The following SHOC2 variants were observed in gnomAD, a reference collection of about 807,000 sequenced individuals.
The protein encoded by SHOC2 is leucine-rich repeat protein SHOC-2.
In SHOC2, 4 loss-of-function variants were observed where a neutral mutation model predicts 50.2. That is an observed-to-expected ratio of 0.08 (90% CI 0.04 to 0.18). The LOEUF (loss-of-function observed/expected upper bound fraction) is 0.18. Among genes scored for constraint, SHOC2 ranks in the 10% least tolerant of loss-of-function variants. SHOC2 has a pLI of 1.00. For missense variants in SHOC2, 388 were observed against 669.6 expected, an observed-to-expected ratio of 0.58 and a Z score of 4.64; for synonymous variants, 218 against 244.5, an observed-to-expected ratio of 0.89 and a Z score of 1.01.
intron 8 of SHOC2, among the ~76,000 whole-genome samples, chr10:111,010,573 C>G (rs1848548727): frequency 6.6e-6 from 1 of 152,020 alleles, no homozygotes. Flanking sequence ...AGGAGATATA[C>G]CTAATGTAAA....
chr10:110,976,103 G>A (rs1253941032), intron 2 of SHOC2, among the ~76,000 whole-genome samples: 1 of 151,994 alleles, frequency 6.6e-6, no homozygotes, highest in Non-Finnish European at 1.5e-5. Context: ...TAGAGACGGG[G>A]TTTCACCATG....
chr10:110,988,124 C>T (rs1848115610), intron 3 of SHOC2, among the ~76,000 whole-genome samples: 1 of 152,066 alleles, frequency 6.6e-6, no homozygotes, highest in Admixed American at 6.6e-5. Context: ...AAGTTACATT[C>T]TGGTGGTAGT....
chr10:110,925,084 A>T (rs1027356510), intron 1 of SHOC2, among the ~76,000 whole-genome samples: 2 of 147,876 alleles, frequency 1.4e-5, no homozygotes, highest in African/African-American at 2.5e-5. Flanking sequence ...AAAAAAAAAA[A>T]AAAAAAAATT....
chr10:110,958,926 A>G (rs1847521603), intron 1 of SHOC2, among the ~76,000 whole-genome samples: 1 of 152,100 alleles, frequency 6.6e-6, no homozygotes, highest in African/African-American at 2.4e-5. Flanking sequence ...ATCAGACCTA[A>G]TATCCCATTT....
intron 2 of SHOC2, among the ~76,000 whole-genome samples, chr10:110,977,884 T>C (rs1205453452): frequency 6.6e-6 from 1 of 152,218 alleles, no homozygotes; most frequent in Non-Finnish European, 1.5e-5. Flanking sequence ...TTGCTGCTGC[T>C]AGGTCTTTGC....
In SHOC2 at chr10:111,011,902, T is replaced by C; in HGVS notation, c.*84T>C. Reference sequence around the variant, plus strand: ...CTATATCTGTATCTATTTATGTAGATATTGGTATATGGCAGATTTATAAAA... The same window carrying C: ...CTATATCTGTATCTATTTATGTAGACATTGGTATATGGCAGATTTATAAAA... On this transcript the variant is annotated 3_prime_UTR_variant, in exon 9 of 9. Transcript: ENST00000369452. 1 of 1,073,778 alleles carries C rather than the reference T, an allele frequency of 9.3e-7. No individual in the cohort carries two copies. Among genetic ancestry groups the C allele is most frequent in the Non-Finnish European group, 1.4e-6 (1 of 700,916 alleles). 66.5% of individuals were successfully genotyped at this position (1,073,778 alleles called of 1,614,324 possible).
intron 5 of SHOC2, 106 bp from the exon 6 acceptor site, chr10:111,007,425 G>T: frequency 7.9e-7 from 1 of 1,262,918 alleles, no homozygotes; most frequent in Non-Finnish European, 1.1e-6. Context: ...ATCAAAAAGG[G>T]GAATAAGATT....
Position 110,964,529 on chromosome 10 carries a change from C to T in SHOC2, c.171C>T (p.Ser57=), listed in dbSNP as rs1554857645. The change falls in exon 2 of 9, where the codon TCC becomes TCT. Residue 57 remains serine, a synonymous_variant. Transcript: ENST00000369452. This position sits in a 1 kb window ranked among gnomAD's most constrained non-coding sequence, Gnocchi z 4.9. Reference sequence around the variant, plus strand: ...ATGCCAAAGATGGAAAGAAGGACTCCAGTGCTGCCCAACCAGGGGTGGCAT... The same window carrying T: ...ATGCCAAAGATGGAAAGAAGGACTCTAGTGCTGCCCAACCAGGGGTGGCAT... ...GKDAKDGKKD[S]SAAQPGVAFS... 8.7e-6 allele frequency: 14 copies of T among 1,613,928 alleles called. No homozygotes were observed. The highest frequency in any genetic ancestry group is 3.3e-4 in the Middle Eastern group (2 of 6,082).
At position 110,936,212 on chromosome 10, in the gene SHOC2, T is replaced by G. The variant is rs191193912; in HGVS notation, c.-235+16555T>G. On this transcript the variant is annotated intron_variant, in intron 1 of 8. Coordinates refer to ENST00000369452, the MANE Select transcript of SHOC2 (RefSeq NM_007373.4). ...CCTGGGTTCAAGTGATTTTCCAGCCTCAACCTCCTGAGTAGCTGGGATTAC... is the reference window on the plus strand; with the variant it reads ...CCTGGGTTCAAGTGATTTTCCAGCCGCAACCTCCTGAGTAGCTGGGATTAC... Among the ~76,000 whole-genome samples, 10 of 151,474 alleles carry G rather than the reference T, an allele frequency of 6.6e-5. No homozygotes were observed. The East Asian group carries it at 2.0e-3, about 30-fold the overall frequency.
At chr10:110,929,020 A>ATG (rs1846835475) in intron 1 of SHOC2, among the ~76,000 whole-genome samples, 2 of 152,246 alleles carry the variant, frequency 1.3e-5, no homozygotes, top group Admixed American at 1.3e-4. Flanking sequence ...GCAGGTATAT[A>ATG]TGTGTATTAT....
chr10:110,997,800 A>G (rs1253134593), intron 3 of SHOC2, among the ~76,000 whole-genome samples: 4 of 152,150 alleles, frequency 2.6e-5, no homozygotes, highest in Admixed American at 2.0e-4. Context: ...TAACTTGCCC[A>G]TGGACATATA....
intron 1 of SHOC2, among the ~76,000 whole-genome samples, chr10:110,941,812 T>A (rs894750308): frequency 9.2e-5 from 14 of 151,684 alleles, no homozygotes; most frequent in Admixed American, 2.0e-4. Context: ...TGAAAAAAAA[T>A]TTTTTTTTGC....
At chr10:110,973,927 A>G (rs959539361) in intron 2 of SHOC2, among the ~76,000 whole-genome samples, 14 of 151,564 alleles carry the variant, frequency 9.2e-5, no homozygotes, top group African/African-American at 3.4e-4. Context: ...TGAAATTGGT[A>G]ATTTGGGCCT....
chr10:110,929,067 A>C (rs1846836620), intron 1 of SHOC2, among the ~76,000 whole-genome samples: 2 of 152,232 alleles, frequency 1.3e-5, no homozygotes, highest in African/African-American at 4.8e-5. Flanking sequence ...ATCCTGTGCC[A>C]AGATCTTGAA....
chr10:110,969,158 AAAGT>A (rs1847731069), intron 2 of SHOC2, among the ~76,000 whole-genome samples: 1 of 152,206 alleles, frequency 6.6e-6, no homozygotes, highest in African/African-American at 2.4e-5. Context: ...ATAGACAAAT[AAAGT>A]AAGTGTCCCT....
At chr10:111,002,082 A>G (rs1444092397) in intron 4 of SHOC2, among the ~76,000 whole-genome samples, 1 of 152,092 alleles carries the variant, frequency 6.6e-6, no homozygotes, top group Non-Finnish European at 1.5e-5. Context: ...TTAAATGGAT[A>G]TATATCCAGT....
At chr10:110,953,708 A>G (rs929412626) in intron 1 of SHOC2, among the ~76,000 whole-genome samples, 2 of 151,778 alleles carry the variant, frequency 1.3e-5, no homozygotes, top group Non-Finnish European at 2.9e-5. Context: ...AGAGAGATAT[A>G]TATATACACA....
chr10:110,926,285 T>C lies in SHOC2; in HGVS notation c.-235+6628T>C, dbSNP rs561614708. Among the ~76,000 whole-genome samples the C allele has an allele frequency of 2.6e-5, 4 of 152,334 alleles. No homozygotes were observed. The South Asian group carries it at 8.3e-4, about 32-fold the overall frequency. On this transcript the variant is annotated intron_variant, in intron 1 of 8. Coordinates refer to ENST00000369452, the MANE Select transcript of SHOC2 (RefSeq NM_007373.4). ...TATTTACTGTTCCACCAGTATACAA[T>C]GTCTAGACTTTGTAGGTTCCAAGTG... is the stretch of plus-strand genomic sequence containing the variant.
At chr10:110,975,797 T>A (rs1160755876) in intron 2 of SHOC2, among the ~76,000 whole-genome samples, 2 of 152,200 alleles carry the variant, frequency 1.3e-5, no homozygotes, top group Non-Finnish European at 2.9e-5. Context: ...ACTTTAAAGT[T>A]AATATTTTTT....
Sources: allele counts gnomAD v4.1 joint callset (sites outside exome capture counted in the v4.1 genomes callset), GRCh38; gene constraint gnomAD v4.1.1; non-coding constraint Gnocchi (gnomAD v3.1); transcripts MANE v1.5; gene names NCBI Gene and HGNC (gene_info 2026-07-23, HGNC 2026-07-21).